The following TASP1 variants were observed in gnomAD, a reference collection of about 807,000 sequenced individuals.
The protein encoded by TASP1 is taspase 1, also known as threonine aspartase 1.
TASP1 carries 16 observed loss-of-function variants against 56.6 expected under a neutral mutation model. The ratio of observed to expected loss-of-function variants is 0.28; its 90% CI spans 0.19 to 0.43. The LOEUF is 0.43. Ranked by LOEUF, TASP1 falls within the 20% of genes least tolerant of loss-of-function variation. TASP1 has a pLI of 1.00. For synonymous variants in TASP1, 179 were observed against 184.2 expected (o/e 0.97, Z 0.23); for missense variants, 393 against 511.6 (o/e 0.77, Z 2.24).
At chr20:13,509,361 G>A (rs941190972) in intron 10 of TASP1, among the ~76,000 whole-genome samples, 1 of 152,100 alleles carries the variant, frequency 6.6e-6, no homozygotes, top group Non-Finnish European at 1.5e-5. Flanking sequence ...TGAGGAGATA[G>A]TGTCACAGGG....
At chr20:13,187,351 C>T in the TASP1 span, among the ~76,000 whole-genome samples, 3 of 151,748 alleles carry the variant, frequency 2.0e-5, no homozygotes, top group African/African-American at 7.3e-5. Flanking sequence ...ATTACAGACA[C>T]TAAACCATAG....
intron 1 of TASP1, among the ~76,000 whole-genome samples, chr20:13,631,988 G>T (rs1029949147): frequency 6.6e-6 from 1 of 151,904 alleles, no homozygotes; most frequent in Non-Finnish European, 1.5e-5. Flanking sequence ...GGAGGTGGAG[G>T]TTGCCTTGAG....
the TASP1 span, among the ~76,000 whole-genome samples, chr20:13,224,847 T>C: frequency 8.1e-4 from 115 of 141,222 alleles, 1 homozygote; most frequent in Middle Eastern, 3.5e-3. Context: ...CTTTCTTTTT[T>C]TTTTTTTTTT....
At chr20:13,381,022 T>G in the TASP1 span, among the ~76,000 whole-genome samples, 1 of 151,976 alleles carries the variant, frequency 6.6e-6, no homozygotes, top group East Asian at 1.9e-4. Flanking sequence ...TCCATGGGGG[T>G]GGGATCTGCC....
chr20:13,561,995 C>T (rs977339713), intron 7 of TASP1, among the ~76,000 whole-genome samples: 1 of 152,158 alleles, frequency 6.6e-6, no homozygotes, highest in African/African-American at 2.4e-5. Context: ...TCACATTCTT[C>T]TCAAGTTCAC....
At chr20:13,358,119 C>T in the TASP1 span, among the ~76,000 whole-genome samples, 9 of 152,028 alleles carry the variant, frequency 5.9e-5, no homozygotes, top group Admixed American at 2.0e-4. Flanking sequence ...CCCCACTGAG[C>T]ACCTTGCGAC....
chr20:13,402,376 T>C (rs1447267037), intron 13 of TASP1, among the ~76,000 whole-genome samples: 1 of 152,228 alleles, frequency 6.6e-6, no homozygotes, highest in Admixed American at 6.5e-5. Context: ...ACTTTCTAAA[T>C]AGACCCAATG....
intron 11 of TASP1, among the ~76,000 whole-genome samples, chr20:13,475,414 G>A (rs2044689185): frequency 6.6e-6 from 1 of 152,058 alleles, no homozygotes; most frequent in Non-Finnish European, 1.5e-5. Context: ...AGATATTCTT[G>A]TGCATGTCAT....
At chr20:13,357,935 A>C in the TASP1 span, among the ~76,000 whole-genome samples, 1 of 152,192 alleles carries the variant, frequency 6.6e-6, no homozygotes, top group Non-Finnish European at 1.5e-5. Flanking sequence ...TTGCACGTAT[A>C]TGCCCAGATG....
chr20:13,634,061 C>T (rs1031298159), intron 1 of TASP1, among the ~76,000 whole-genome samples: 1 of 152,072 alleles, frequency 6.6e-6, no homozygotes, highest in Non-Finnish European at 1.5e-5. Context: ...CCCAAGAGAA[C>T]TAAAAACATA....
At chr20:13,140,982 G>A in the TASP1 span, among the ~76,000 whole-genome samples, 4 of 152,168 alleles carry the variant, frequency 2.6e-5, no homozygotes, top group African/African-American at 4.8e-5. Context: ...GCCCCTTCCA[G>A]CTGTGACCTA....
At chr20:13,495,235 C>T (rs1025101132) in intron 10 of TASP1, among the ~76,000 whole-genome samples, 1 of 151,964 alleles carries the variant, frequency 6.6e-6, no homozygotes. Context: ...GAAGTTTGAG[C>T]CAATGTTATT....
intron 11 of TASP1, among the ~76,000 whole-genome samples, chr20:13,478,290 G>A (rs942987226): frequency 6.6e-6 from 1 of 151,528 alleles, no homozygotes; most frequent in Non-Finnish European, 1.5e-5. Flanking sequence ...ATTCACAATA[G>A]CAAAGACATG....
At chr20:13,479,174 A>C (rs1333426178) in intron 11 of TASP1, among the ~76,000 whole-genome samples, 4 of 152,182 alleles carry the variant, frequency 2.6e-5, no homozygotes, top group Non-Finnish European at 5.9e-5. Context: ...TGAGACTCAG[A>C]ATGAATGAAA....
chr20:13,114,915 A>G, the TASP1 span, among the ~76,000 whole-genome samples: 1 of 152,192 alleles, frequency 6.6e-6, no homozygotes, highest in South Asian at 2.1e-4. Flanking sequence ...CTTAGCTAAG[A>G]CATTATGTAA....
chr20:13,187,251 A>G, the TASP1 span, among the ~76,000 whole-genome samples: 2 of 152,174 alleles, frequency 1.3e-5, no homozygotes, highest in Non-Finnish European at 2.9e-5. Flanking sequence ...TTCAAAAGGT[A>G]GAACATATGA....
At chr20:13,338,769 C>T in the TASP1 span, among the ~76,000 whole-genome samples, 1 of 152,134 alleles carries the variant, frequency 6.6e-6, no homozygotes, top group African/African-American at 2.4e-5. Context: ...AGATGCAGTC[C>T]ACCCTCCAAG....
the TASP1 span, among the ~76,000 whole-genome samples, chr20:13,360,023 T>C: frequency 6.6e-6 from 1 of 152,084 alleles, no homozygotes; most frequent in Non-Finnish European, 1.5e-5. Context: ...CTATAAACTC[T>C]CCTTACAATT....
the TASP1 span, among the ~76,000 whole-genome samples, chr20:13,159,258 G>A: frequency 9.1e-4 from 139 of 152,310 alleles, 1 homozygote; most frequent in African/African-American, 3.2e-3. Flanking sequence ...ATGACTTAAC[G>A]TCCTATAGGC....
Sources: allele counts gnomAD v4.1 joint callset (sites outside exome capture counted in the v4.1 genomes callset), GRCh38; gene constraint gnomAD v4.1.1; transcripts MANE v1.5; gene names NCBI Gene and HGNC (gene_info 2026-07-23, HGNC 2026-07-21).